Variants in COL23A1 observed in about 807,000 individuals in gnomAD.
The protein encoded by COL23A1 is collagen alpha-1(XXIII) chain.
In COL23A1, 97 loss-of-function variants were observed where a neutral mutation model predicts 99.3. The observed-to-expected ratio is 0.98, with a 90% CI of 0.83 to 1.16. The LOEUF (loss-of-function observed/expected upper bound fraction) is 1.16, where lower values mean the gene tolerates loss of function less well. Among genes scored for constraint, COL23A1 ranks in the 50% most tolerant of loss-of-function variants. The pLI is 0.00. For synonymous variants in COL23A1, 320 were observed against 308.2 expected (o/e 1.04, Z -0.40); for missense variants, 762 against 757.4 (o/e 1.01, Z -0.07).
chr5:178,489,481 A>G (rs1562017815), intron 2 of COL23A1, among the ~76,000 whole-genome samples: 2 of 152,238 alleles, frequency 1.3e-5, no homozygotes, highest in South Asian at 4.1e-4. Context: ...CTTCGCAACC[A>G]TGTGAGTCAA....
At chr5:178,268,918 C>T (rs1756063394) in intron 6 of COL23A1, among the ~76,000 whole-genome samples, 162 bp from the exon 7 acceptor site, 1 of 152,122 alleles carries the variant, frequency 6.6e-6, no homozygotes, top group Non-Finnish European at 1.5e-5. Flanking sequence ...GCTGCCCTGG[C>T]TGGCCCAAGG....
chr5:178,496,781 T>C (rs1299390876), intron 2 of COL23A1, among the ~76,000 whole-genome samples: 1 of 152,210 alleles, frequency 6.6e-6, no homozygotes, highest in Admixed American at 6.5e-5. Context: ...ATAAGATGTA[T>C]TACAAAGCTC....
chr5:178,529,957 G>A (rs889762077), intron 2 of COL23A1, among the ~76,000 whole-genome samples: 11 of 152,172 alleles, frequency 7.2e-5, no homozygotes, highest in African/African-American at 2.4e-4. Context: ...CTTTTAAGAC[G>A]AAGGAAGATC....
chr5:178,562,175 G>A (rs1024622389), intron 1 of COL23A1: 2 of 472,278 alleles, frequency 4.2e-6, no homozygotes, highest in African/African-American at 2.0e-5. Context: ...GCGAGAGGCG[G>A]AGGTTGCAGT....
At chr5:178,421,911 G>C (rs576707149) in intron 2 of COL23A1, among the ~76,000 whole-genome samples, 2 of 152,044 alleles carry the variant, frequency 1.3e-5, no homozygotes, top group East Asian at 3.9e-4. Flanking sequence ...ACAGGCAAAA[G>C]GTGCTTGTGA....
intron 2 of COL23A1, among the ~76,000 whole-genome samples, chr5:178,528,442 G>A (rs1760447808): frequency 1.3e-5 from 2 of 152,156 alleles, no homozygotes; most frequent in South Asian, 2.1e-4. Flanking sequence ...TCAGGGATGG[G>A]CACACATCTC....
At chr5:178,256,997 G>A (rs908169694) in intron 13 of COL23A1, 69 bp from the exon 14 acceptor site, 93 of 1,452,906 alleles carry the variant, frequency 6.4e-5, no homozygotes, top group Middle Eastern at 1.8e-4. Flanking sequence ...GGAGGGGGGC[G>A]TGCCTCGGGG....
chr5:178,342,587 C>T (rs1199520497), intron 2 of COL23A1, among the ~76,000 whole-genome samples: 1 of 152,152 alleles, frequency 6.6e-6, no homozygotes, highest in Non-Finnish European at 1.5e-5. Context: ...TCTGAAGCTC[C>T]CTGCTGAGTT....
intron 2 of COL23A1, among the ~76,000 whole-genome samples, chr5:178,429,368 C>T (rs1197863956): frequency 2.0e-5 from 3 of 152,200 alleles, no homozygotes; most frequent in Admixed American, 1.3e-4. Context: ...CCTGCTTCCC[C>T]GGCCTGAGCC....
At position 178,516,882 on chromosome 5, in the gene COL23A1, C is replaced by T. The variant is rs547691306; in HGVS notation, c.361+43800G>A. Among the ~76,000 whole-genome samples, 14 of 152,314 alleles carry T rather than the reference C, an allele frequency of 9.2e-5. 1 individual carries two copies. In the South Asian group the frequency reaches 2.9e-3, roughly 32 times the overall value. ...GTAGTTAAATAAGAGGAGGAGGGTACATTACGGGCTGTGTGTGCGACCAGT... is the reference window on the plus strand; with the variant it reads ...GTAGTTAAATAAGAGGAGGAGGGTATATTACGGGCTGTGTGTGCGACCAGT... On this transcript the variant is annotated intron_variant, in intron 2 of 28. Coordinates refer to ENST00000390654, the MANE Select transcript of COL23A1 (RefSeq NM_173465.4).
rs2127524957 is a variant in COL23A1 at position 178,242,396 on chromosome 5, T to C, written c.1441-2A>G. On this transcript the variant is annotated splice_acceptor_variant, in intron 25 of 28. Transcript: ENST00000390654. LOFTEE classifies it high-confidence loss of function. ...CTCTCCTCGGGGTCCAGGGAAACCC[T>C]GACAAAAGGATTAGATGCTAAACCC... The C allele has an allele frequency of 6.2e-7, 1 of 1,614,020 alleles. No individual in the cohort carries two copies. The highest frequency in any genetic ancestry group is 8.5e-7 in the Non-Finnish European group (1 of 1,179,978).
intron 2 of COL23A1, among the ~76,000 whole-genome samples, chr5:178,324,200 C>T (rs1201769776): frequency 6.6e-6 from 1 of 152,048 alleles, no homozygotes; most frequent in African/African-American, 2.4e-5. Flanking sequence ...GGCCCCACCC[C>T]CGTTTCAGAT....
At position 178,358,139 on chromosome 5, in the gene COL23A1, T is replaced by G. The variant is rs549194414; in HGVS notation, c.362-51220A>C. On this transcript the variant is annotated intron_variant, in intron 2 of 28. Coordinates refer to ENST00000390654, the MANE Select transcript of COL23A1 (RefSeq NM_173465.4). ...TATGTGTACGTGTGTACGTCTAATG[T>G]GTGTGTATGTGTATGTGTGTATGTC... 2.0e-5 allele frequency among the ~76,000 whole-genome samples: 3 copies of G among 150,584 alleles called. No homozygotes were observed. The East Asian group carries it at 5.9e-4, about 30-fold the overall frequency.
intron 1 of COL23A1, among the ~76,000 whole-genome samples, chr5:178,588,215 G>A (rs762812318): frequency 6.6e-6 from 1 of 152,172 alleles, no homozygotes; most frequent in Non-Finnish European, 1.5e-5. Flanking sequence ...GCAGCCGGGA[G>A]GGGGGAAGCC....
chr5:178,491,103 G>A (rs562815692), intron 2 of COL23A1, among the ~76,000 whole-genome samples: 1 of 151,708 alleles, frequency 6.6e-6, no homozygotes, highest in African/African-American at 2.4e-5. Context: ...AGAGGAGGGG[G>A]GAAAGAGAGA....
intron 11 of COL23A1, 98 bp downstream of exon 11, chr5:178,261,624 C>T (rs1765628771): frequency 2.4e-6 from 2 of 827,312 alleles, no homozygotes; most frequent in African/African-American, 1.7e-5. Context: ...GCCTTGGCTT[C>T]ACTAGGGGTG....
chr5:178,429,938 T>C (rs1386520812), intron 2 of COL23A1, among the ~76,000 whole-genome samples: 2 of 152,210 alleles, frequency 1.3e-5, no homozygotes, highest in South Asian at 2.1e-4. Flanking sequence ...CTGTCCCCAC[T>C]GACCGTGCCT....
intron 2 of COL23A1, among the ~76,000 whole-genome samples, chr5:178,348,537 C>T (rs931368414): frequency 2.6e-5 from 4 of 152,316 alleles, no homozygotes; most frequent in East Asian, 1.9e-4. Context: ...CTCCGAACGG[C>T]GCTGGGCCAG....
At chr5:178,473,121 C>T (rs918848498) in intron 2 of COL23A1, among the ~76,000 whole-genome samples, 5 of 151,606 alleles carry the variant, frequency 3.3e-5, no homozygotes, top group South Asian at 2.1e-4. Flanking sequence ...AGACTCTCTT[C>T]GCCATCCCCC....
Sources: gnomAD v4.1 joint callset for allele counts (sites outside exome capture counted in the v4.1 genomes callset) on GRCh38, gnomAD v4.1.1 for gene constraint, MANE v1.5 for transcripts, NCBI Gene and HGNC (gene_info 2026-07-23, HGNC 2026-07-21) for gene names.